Variants in TFB1M observed in about 807,000 individuals in gnomAD.
TFB1M encodes the protein dimethyladenosine transferase 1, mitochondrial.
Under a neutral mutation model 31.1 loss-of-function variants are expected in TFB1M, and 27 were observed. The ratio of observed to expected loss-of-function variants is 0.87; its 90% CI spans 0.64 to 1.20. TFB1M has a LOEUF of 1.20. Ranked by LOEUF, TFB1M falls within the 50% of genes most tolerant of loss-of-function variation. The pLI, the probability that TFB1M is intolerant of heterozygous loss-of-function variation, is 0.00. For missense variants in TFB1M, 394 were observed against 418.7 expected (o/e 0.94, Z 0.51); for synonymous variants, 166 against 151.8 (o/e 1.09, Z -0.69).
chr6:155,254,453 A>C, downstream of TFB1M: 1 of 1,614,042 alleles, frequency 6.2e-7, no homozygotes, highest in Non-Finnish European at 8.5e-7. Context: ...TGTTAAGGTG[A>C]TTCGTTCTAT....
chr6:155,285,398 A>C (rs372774810), intron 4 of TFB1M, 121 bp from the exon 5 acceptor site: 35 of 1,087,108 alleles, frequency 3.2e-5, no homozygotes, highest in African/African-American at 2.5e-4. Flanking sequence ...TTTGAAAAGA[A>C]TGGGCTATCT....
chr6:155,261,395 G>T (rs1285528733), intron 5 of TFB1M, among the ~76,000 whole-genome samples: 1 of 152,086 alleles, frequency 6.6e-6, no homozygotes, highest in Non-Finnish European at 1.5e-5. Context: ...GAACTCCATT[G>T]TTGAAATCCC....
At chr6:155,254,473 G>A (rs3011895), downstream of TFB1M, 613,893 of 1,613,608 alleles carry the variant, frequency 0.38, 122,936 homozygotes, top group Middle Eastern at 0.49. Context: ...TTCTGAGGGA[G>A]AACTTCAGGC....
At chr6:155,266,051 T>C (rs1052381257) in intron 5 of TFB1M, among the ~76,000 whole-genome samples, 4 of 152,054 alleles carry the variant, frequency 2.6e-5, no homozygotes, top group South Asian at 2.1e-4. Context: ...CCCACCCAGA[T>C]TGAGGGCGGG....
At position 155,285,276 on chromosome 6, in the gene TFB1M, C is replaced by T. The variant is rs749155631; in HGVS notation, c.548G>A (p.Arg183Lys). ...TLTFQKEVAE[R>K]LAANTGSKQR... ...TTTGCTTCCTGTATTGGCTGCAAGTCTCTAGAGAGAGACAAAAATGAATTT... is the reference window on the plus strand; with the variant it reads ...TTTGCTTCCTGTATTGGCTGCAAGTTTCTAGAGAGAGACAAAAATGAATTT... The change falls in exon 5 of 7, where the codon AGA becomes AAA. Residue 183 changes from arginine to lysine, a missense_variant and splice_region_variant. Coordinates refer to ENST00000367166, the MANE Select transcript of TFB1M (RefSeq NM_016020.4). 1.9e-6 allele frequency: 3 copies of T among 1,613,736 alleles called. No individual in the cohort carries two copies. The highest frequency in any genetic ancestry group is 2.2e-5 in the East Asian group (1 of 44,876).
the TFB1M span, chr6:155,240,488 G>A: frequency 4.5e-6 from 7 of 1,565,994 alleles, no homozygotes; most frequent in East Asian, 1.6e-4. Flanking sequence ...TACTATCAGG[G>A]AGAGGCCCGT....
intron 5 of TFB1M, among the ~76,000 whole-genome samples, chr6:155,265,533 C>G (rs1784589510): frequency 6.6e-6 from 1 of 151,276 alleles, no homozygotes; most frequent in African/African-American, 2.4e-5. Context: ...AGGATTAGGT[C>G]AAATCACTTT....
chr6:155,305,161 A>T (rs1440393771), intron 2 of TFB1M, among the ~76,000 whole-genome samples: 3 of 102,158 alleles, frequency 2.9e-5, no homozygotes, highest in Non-Finnish European at 1.8e-5. Context: ...AATATATATT[A>T]AATTATATAT....
chr6:155,268,918 C>T (rs71575025), intron 5 of TFB1M, among the ~76,000 whole-genome samples: 1 of 141,804 alleles, frequency 7.1e-6, no homozygotes, highest in Admixed American at 7.3e-5. Flanking sequence ...AAATCCCCCT[C>T]TGCGAGAAAC....
chr6:155,304,959 C>A (rs1417966898), intron 2 of TFB1M, among the ~76,000 whole-genome samples: 1 of 149,666 alleles, frequency 6.7e-6, no homozygotes, highest in African/African-American at 2.5e-5. Context: ...TAAGGCAATT[C>A]AATGAGGAAA....
chr6:155,311,602 T>A (rs1778019597), intron 1 of TFB1M, among the ~76,000 whole-genome samples: 2 of 152,230 alleles, frequency 1.3e-5, no homozygotes, highest in South Asian at 4.1e-4. Flanking sequence ...TAAATTTAGC[T>A]AATATTGTAG....
At chr6:155,262,043 C>T (rs1221224367) in intron 5 of TFB1M, among the ~76,000 whole-genome samples, 1 of 152,164 alleles carries the variant, frequency 6.6e-6, no homozygotes, top group African/African-American at 2.4e-5. Context: ...ACAGGACTTC[C>T]CTTAGACTTT....
chr6:155,305,840 A>G (rs1177264749), intron 2 of TFB1M, among the ~76,000 whole-genome samples: 1 of 144,374 alleles, frequency 6.9e-6, no homozygotes, highest in Admixed American at 7.4e-5. Context: ...CATAAAAAGC[A>G]TAAAGTCTAG....
At chr6:155,262,082 G>A (rs913468324) in intron 5 of TFB1M, among the ~76,000 whole-genome samples, 1 of 152,208 alleles carries the variant, frequency 6.6e-6, no homozygotes, top group Non-Finnish European at 1.5e-5. Context: ...ACAGTGCCCA[G>A]CTTGGAGAGG....
intron 5 of TFB1M, among the ~76,000 whole-genome samples, chr6:155,261,508 T>C (rs945798465): frequency 1.3e-5 from 2 of 152,232 alleles, no homozygotes; most frequent in African/African-American, 2.4e-5. Flanking sequence ...TTTCTGGTTG[T>C]GTTTCTTTTA....
At chr6:155,234,087 C>T in the TFB1M span, among the ~76,000 whole-genome samples, 15 of 151,830 alleles carry the variant, frequency 9.9e-5, no homozygotes, top group African/African-American at 3.4e-4. Flanking sequence ...CTTTTTATGA[C>T]TTCTTAAAGA....
intron 1 of TFB1M, 61 bp downstream of exon 1, chr6:155,314,235 C>G (rs1582893986): frequency 6.3e-7 from 1 of 1,598,698 alleles, no homozygotes; most frequent in South Asian, 1.1e-5. Context: ...TGCAAGACCC[C>G]CCGGCCCACG....
intron 1 of TFB1M, among the ~76,000 whole-genome samples, chr6:155,313,743 T>C (rs191559568): frequency 5.6e-4 from 86 of 152,328 alleles, no homozygotes; most frequent in African/African-American, 1.9e-3. Context: ...GCCCATATCC[T>C]ACCCCCGGCA....
Position 155,291,902 on chromosome 6 carries a change from A to T in TFB1M, c.546+5051T>A, listed in dbSNP as rs1776943547. On this transcript the variant is annotated intron_variant, in intron 4 of 6. Transcript: ENST00000367166. The stretch of plus-strand genomic sequence containing the variant: ...CACTCAAATTATCTGAGAGGAAGGC[A>T]TTTAAAGAATTAAGCTTATGTAGTA... 2.6e-5 allele frequency among the ~76,000 whole-genome samples: 4 copies of T among 152,242 alleles called. No individual in the cohort carries two copies. The South Asian group carries it at 8.3e-4, about 32-fold the overall frequency.
Sources: gnomAD v4.1 joint callset for allele counts (sites outside exome capture counted in the v4.1 genomes callset) on GRCh38, gnomAD v4.1.1 for gene constraint, MANE v1.5 for transcripts, NCBI Gene and HGNC (gene_info 2026-07-23, HGNC 2026-07-21) for gene names.